CTNNA3: variants seen among roughly 807,000 people sequenced by gnomAD.
CTNNA3 encodes the protein catenin alpha-3.
Under a neutral mutation model 95.7 loss-of-function variants are expected in CTNNA3, and 76 were observed. The observed-to-expected ratio is 0.79, with a 90% CI of 0.66 to 0.96. The LOEUF is 0.96. CTNNA3 is among the 40% of genes least tolerant of loss of function. CTNNA3 has a pLI of 0.00. For missense variants in CTNNA3, 1,191 were observed against 1,089.8 expected, an observed-to-expected ratio of 1.09 and a Z score of -1.31; for synonymous variants, 431 against 374.4, an observed-to-expected ratio of 1.15 and a Z score of -1.74.
intron 5 of CTNNA3, among the ~76,000 whole-genome samples, chr10:67,507,541 A>G (rs1021696912): frequency 2.8e-4 from 43 of 152,130 alleles, no homozygotes; most frequent in Non-Finnish European, 5.3e-4. Context: ...TCTCAAAAAA[A>G]AAAGGAAAGA....
chr10:66,056,448 AT>A (rs1217158206), intron 15 of CTNNA3, among the ~76,000 whole-genome samples: 6 of 151,398 alleles, frequency 4.0e-5, no homozygotes, highest in East Asian at 1.9e-4. Flanking sequence ...TTTGTTGAGT[AT>A]TTTTTTTATC....
chr10:67,494,476 T>C (rs571425985), intron 5 of CTNNA3, among the ~76,000 whole-genome samples: 81 of 152,340 alleles, frequency 5.3e-4, no homozygotes, highest in Middle Eastern at 3.4e-3. Flanking sequence ...GAGTACATTA[T>C]AGAAAATAGC....
intron 5 of CTNNA3, among the ~76,000 whole-genome samples, chr10:67,234,024 G>C (rs1865342408): frequency 6.6e-6 from 1 of 152,130 alleles, no homozygotes; most frequent in Admixed American, 6.5e-5. Context: ...ATAATCAATA[G>C]CTTACCAACC....
intron 14 of CTNNA3, among the ~76,000 whole-genome samples, chr10:66,075,571 T>C (rs2080534776): frequency 6.6e-6 from 1 of 151,850 alleles, no homozygotes; most frequent in Non-Finnish European, 1.5e-5. Flanking sequence ...ATAACTAAAA[T>C]ATTCATGTAG....
At chr10:67,148,962 C>A (rs543296115) in intron 7 of CTNNA3, among the ~76,000 whole-genome samples, 26 of 152,288 alleles carry the variant, frequency 1.7e-4, no homozygotes, top group African/African-American at 6.3e-4. Context: ...TAAATCTAAT[C>A]TTCAAAGTAT....
At chr10:67,752,771 G>A (rs1841413953) in intron 1 of CTNNA3, among the ~76,000 whole-genome samples, 3 of 152,126 alleles carry the variant, frequency 2.0e-5, no homozygotes, top group Non-Finnish European at 4.4e-5. Flanking sequence ...AAAGGGATGT[G>A]AAGGACCTCT....
intron 7 of CTNNA3, among the ~76,000 whole-genome samples, chr10:66,890,330 G>A (rs1009180028): frequency 1.3e-4 from 20 of 151,592 alleles, no homozygotes; most frequent in African/African-American, 3.9e-4. Context: ...GCAAGTGAAC[G>A]TAGGAAAAGA....
At chr10:66,338,249 A>C (rs2092417222) in intron 12 of CTNNA3, among the ~76,000 whole-genome samples, 1 of 152,140 alleles carries the variant, frequency 6.6e-6, no homozygotes, top group Non-Finnish European at 1.5e-5. Flanking sequence ...ATAGAAAGGC[A>C]AATTTAAACT....
At chr10:66,449,779 GA>G (rs1298522649) in intron 11 of CTNNA3, among the ~76,000 whole-genome samples, 17 of 151,856 alleles carry the variant, frequency 1.1e-4, no homozygotes, top group Non-Finnish European at 2.1e-4. Flanking sequence ...ACATAATAAA[GA>G]ATATTAATCA....
intron 5 of CTNNA3, among the ~76,000 whole-genome samples, chr10:67,451,474 G>A (rs560302573): frequency 3.7e-4 from 56 of 151,998 alleles, no homozygotes; most frequent in African/African-American, 1.3e-3. Flanking sequence ...GATCAAACAA[G>A]CAGATAACAG....
At chr10:65,949,338 A>G (rs1261100468) in intron 17 of CTNNA3, among the ~76,000 whole-genome samples, 1 of 152,216 alleles carries the variant, frequency 6.6e-6, no homozygotes, top group Non-Finnish European at 1.5e-5. Flanking sequence ...TGTCAACAAA[A>G]TATCATAAGT....
Position 67,237,169 on chromosome 10 carries a change from T to C in CTNNA3, c.580-17299A>G, listed in dbSNP as rs547279792. On this transcript the variant is annotated intron_variant, in intron 5 of 17. Coordinates refer to ENST00000433211, the MANE Select transcript of CTNNA3 (RefSeq NM_013266.4). ...ATATATATATATATATATATATATA[T>C]ATATACACACACAATGGAATACTAC... Among the ~76,000 whole-genome samples, 517 of 117,616 alleles carry C rather than the reference T, an allele frequency of 4.4e-3. 5 individuals are homozygous for C. The highest frequency in any genetic ancestry group is 7.8e-3 in the African/African-American group (244 of 31,286). 77.2% of individuals were successfully genotyped at this position (117,616 alleles called of 152,430 possible). A position where few individuals can be genotyped will look rare whatever the true frequency, so the allele number is the denominator to read the frequency against.
intron 10 of CTNNA3, among the ~76,000 whole-genome samples, chr10:66,564,269 T>C (rs1343796333): frequency 1.3e-5 from 2 of 152,158 alleles, no homozygotes; most frequent in African/African-American, 4.8e-5. Flanking sequence ...GCAAAGTCCT[T>C]ATTGCTGTGC....
chr10:66,862,736 C>T (rs4746643), intron 7 of CTNNA3, among the ~76,000 whole-genome samples: 132,319 of 152,186 alleles, frequency 0.87, 57,966 homozygotes, highest in African/African-American at 0.96. Context: ...GTTAATGTGA[C>T]TAGAACAATG....
chr10:66,349,575 A>G (rs1467716411), intron 12 of CTNNA3, among the ~76,000 whole-genome samples: 1 of 152,148 alleles, frequency 6.6e-6, no homozygotes, highest in Non-Finnish European at 1.5e-5. Flanking sequence ...AAAGCCATTC[A>G]CAAATTTCAC....
intron 15 of CTNNA3, among the ~76,000 whole-genome samples, chr10:66,000,084 T>G (rs1416257987): frequency 6.6e-6 from 1 of 152,080 alleles, no homozygotes; most frequent in Admixed American, 6.6e-5. Flanking sequence ...GAAAGTAAAA[T>G]GTAATAAAGA....
At chr10:67,222,600 C>A (rs1249411001) in intron 5 of CTNNA3, among the ~76,000 whole-genome samples, 1 of 152,162 alleles carries the variant, frequency 6.6e-6, no homozygotes, top group East Asian at 1.9e-4. Context: ...GTATTTCCCA[C>A]AACGTTGTAC....
chr10:67,293,785 C>G (rs1183299060), intron 5 of CTNNA3, among the ~76,000 whole-genome samples: 1 of 150,792 alleles, frequency 6.6e-6, no homozygotes, highest in Non-Finnish European at 1.5e-5. Context: ...TTTGTCCTTG[C>G]GATAGTTTGC....
intron 10 of CTNNA3, among the ~76,000 whole-genome samples, chr10:66,575,293 C>G (rs1389785916): frequency 1.3e-5 from 2 of 152,020 alleles, no homozygotes; most frequent in South Asian, 2.1e-4. Context: ...ATTTAAACAA[C>G]TTGTGCCAAA....
Sources: allele counts gnomAD v4.1 joint callset (sites outside exome capture counted in the v4.1 genomes callset), GRCh38; gene constraint gnomAD v4.1.1; transcripts MANE v1.5; gene names NCBI Gene and HGNC (gene_info 2026-07-23, HGNC 2026-07-21).